PRKG1: variants seen among roughly 807,000 people sequenced by gnomAD.
PRKG1 encodes the protein protein kinase cGMP-dependent 1, also known as cGMP-dependent protein kinase 1.
A neutral mutation model predicts 88.1 loss-of-function variants in PRKG1; 35 were observed. The ratio of observed to expected loss-of-function variants is 0.40; its 90% CI spans 0.30 to 0.53. PRKG1 has a LOEUF of 0.53. PRKG1 is among the 20% of genes least tolerant of loss of function. PRKG1 has a pLI of 0.59. For missense variants in PRKG1, 540 were observed against 839.8 expected (o/e 0.64, Z 4.41); for synonymous variants, 303 against 292.5 (o/e 1.04, Z -0.37).
intron 5 of PRKG1, chr10:51,908,174 G>A (rs1306911539): frequency 2.0e-5 from 3 of 152,138 alleles, no homozygotes; most frequent in African/African-American, 7.2e-5. Flanking sequence ...GTCTAAAGTT[G>A]TTCTCCTAAA....
At chr10:51,825,651 C>A (rs10999651) in intron 4 of PRKG1, among the ~76,000 whole-genome samples, 2,259 of 152,192 alleles carry the variant, frequency 0.015, 61 homozygotes, top group African/African-American at 0.051. Context: ...TTCTAGCTCC[C>A]ATATTTCCCC....
intron 5 of PRKG1, among the ~76,000 whole-genome samples, chr10:52,040,055 C>G (rs1004247885): frequency 6.6e-6 from 1 of 152,174 alleles, no homozygotes; most frequent in African/African-American, 2.4e-5. Flanking sequence ...ATTTAATTCT[C>G]TCTTTCCATT....
intron 2 of PRKG1, among the ~76,000 whole-genome samples, chr10:51,241,654 C>T (rs1334544334): frequency 6.6e-6 from 1 of 152,144 alleles, no homozygotes; most frequent in African/African-American, 2.4e-5. Context: ...ATTCACATAA[C>T]AGATGTTGTT....
chr10:51,133,380 A>G (rs1845616720), intron 1 of PRKG1, among the ~76,000 whole-genome samples: 1 of 152,306 alleles, frequency 6.6e-6, no homozygotes, highest in South Asian at 2.1e-4. Context: ...AACCACCATC[A>G]GTTTTGCACT....
intron 2 of PRKG1, among the ~76,000 whole-genome samples, chr10:51,414,598 A>G (rs1235201526): frequency 2.0e-5 from 3 of 152,196 alleles, no homozygotes; most frequent in Non-Finnish European, 4.4e-5. Flanking sequence ...CGTGGTAACA[A>G]TATGCCAAAT....
chr10:51,475,759 T>G lies in PRKG1; in HGVS notation c.592+7923T>G, dbSNP rs1233583728. Among the ~76,000 whole-genome samples the G allele has an allele frequency of 4.6e-5, 7 of 152,014 alleles. No homozygotes were observed. The East Asian group carries it at 9.7e-4, about 21-fold the overall frequency. On this transcript the variant is annotated intron_variant, in intron 3 of 17. Coordinates refer to ENST00000373980, the MANE Select transcript of PRKG1 (RefSeq NM_006258.4). ...AACAGATTGAGAGGGAGGGAAAAAT[T>G]AAAAAATCATGGACTGTCGAGCCAT...
chr10:51,265,871 A>T (rs57636490), intron 2 of PRKG1, among the ~76,000 whole-genome samples: 1 of 152,132 alleles, frequency 6.6e-6, no homozygotes, highest in African/African-American at 2.4e-5. Flanking sequence ...AGAGAGCAGC[A>T]CTGGAAAACT....
intron 9 of PRKG1, among the ~76,000 whole-genome samples, chr10:52,234,012 C>T (rs1271602881): frequency 6.6e-5 from 10 of 152,024 alleles, no homozygotes; most frequent in African/African-American, 2.2e-4. Flanking sequence ...GACCCCTGAC[C>T]CCCGAGCAGT....
intron 4 of PRKG1, among the ~76,000 whole-genome samples, chr10:51,834,410 G>A (rs1320293554): frequency 6.6e-6 from 1 of 152,078 alleles, no homozygotes; most frequent in Non-Finnish European, 1.5e-5. Context: ...GGAGGCCGAG[G>A]CAAGAGGATC....
At chr10:51,704,156 A>AT (rs1379762849) in intron 3 of PRKG1, among the ~76,000 whole-genome samples, 8 of 150,472 alleles carry the variant, frequency 5.3e-5, no homozygotes, top group Non-Finnish European at 1.0e-4. Context: ...AAAAAAAAAA[A>AT]AATTAAATAA....
chr10:51,433,321 T>G (rs1838823298), intron 2 of PRKG1, among the ~76,000 whole-genome samples: 1 of 152,088 alleles, frequency 6.6e-6, no homozygotes, highest in African/African-American at 2.4e-5. Flanking sequence ...GAAAAGAGTA[T>G]GAGCTTTAAA....
intron 2 of PRKG1, among the ~76,000 whole-genome samples, chr10:51,232,873 C>A (rs10761929): frequency 0.15 from 22,562 of 152,106 alleles, 1,934 homozygotes; most frequent in Non-Finnish European, 0.2. Context: ...ATTTCCATTT[C>A]TAGCTATGAT....
At chr10:51,500,076 A>G (rs1173913408) in intron 3 of PRKG1, among the ~76,000 whole-genome samples, 2 of 152,190 alleles carry the variant, frequency 1.3e-5, no homozygotes, top group African/African-American at 4.8e-5. Flanking sequence ...TATGTTAAGG[A>G]TTCAATATTT....
chr10:51,054,506 T>C (rs993988071), intron 1 of PRKG1, among the ~76,000 whole-genome samples: 5 of 152,156 alleles, frequency 3.3e-5, no homozygotes, highest in African/African-American at 1.2e-4. Flanking sequence ...TCCAGAATTC[T>C]AGAGGAAGCC....
intron 3 of PRKG1, among the ~76,000 whole-genome samples, chr10:51,763,272 G>A (rs10999331): frequency 0.45 from 67,394 of 151,158 alleles, 15,878 homozygotes; most frequent in African/African-American, 0.56. Context: ...TACTTTGTCG[G>A]CAAGGCTAGA....
intron 12 of PRKG1, 119 bp downstream of exon 12, chr10:52,272,600 T>C (rs1841760376): frequency 2.7e-6 from 2 of 744,158 alleles, no homozygotes; most frequent in South Asian, 3.5e-5. Context: ...ATGCTTATAT[T>C]TCAATATTTA....
intron 3 of PRKG1, among the ~76,000 whole-genome samples, chr10:51,596,515 G>A (rs1177033875): frequency 2.6e-5 from 4 of 152,156 alleles, no homozygotes; most frequent in African/African-American, 9.7e-5. Flanking sequence ...AAAGAAAGAT[G>A]TTAAATTCTG....
In PRKG1 at chr10:51,819,006, C is replaced by CAAAAA. The variant is rs869048560; in HGVS notation, c.698+14349_698+14353dup. On this transcript the variant is annotated intron_variant, in intron 4 of 17. Transcript: ENST00000373980. Reference sequence around the variant, plus strand: ...TGGGCGACAGAGCGAGACTCCGTCTCAAAAAAAAAAAAAAAAAAAAAAAAA... The same window carrying CAAAAA: ...TGGGCGACAGAGCGAGACTCCGTCTCAAAAAAAAAAAAAAAAAAAAAAAAAAAAAA... Among the ~76,000 whole-genome samples the CAAAAA allele has an allele frequency of 1.6e-4, 3 of 18,346 alleles. 1 individual carries two copies. The highest frequency in any genetic ancestry group is 2.6e-3 in the East Asian group (2 of 760). 12.0% of individuals were successfully genotyped at this position (18,346 alleles called of 152,430 possible). A position where few individuals can be genotyped will look rare whatever the true frequency, so the allele number is the denominator to read the frequency against.
At chr10:51,897,067 A>G (rs541373718) in intron 4 of PRKG1, among the ~76,000 whole-genome samples, 1 of 152,222 alleles carries the variant, frequency 6.6e-6, no homozygotes, top group Admixed American at 6.5e-5. Context: ...AAGAAAGACC[A>G]GTTATAAGAC....
Sources: gnomAD v4.1 joint callset for allele counts (sites outside exome capture counted in the v4.1 genomes callset) on GRCh38, gnomAD v4.1.1 for gene constraint, MANE v1.5 for transcripts, NCBI Gene and HGNC (gene_info 2026-07-23, HGNC 2026-07-21) for gene names.